The following PEAK1 variants were observed in gnomAD, a reference collection of about 807,000 sequenced individuals.
PEAK1 encodes inactive tyrosine-protein kinase PEAK1.
In PEAK1, 54 loss-of-function variants were observed where a neutral mutation model predicts 124.7. The ratio of observed to expected loss-of-function variants is 0.43; its 90% CI spans 0.35 to 0.54. The LOEUF is 0.54. Ranked by LOEUF, PEAK1 falls within the 20% of genes least tolerant of loss-of-function variation. The pLI is 0.01. For missense variants in PEAK1, 2,046 were observed against 2,134.5 expected (o/e 0.96, Z 0.82); for synonymous variants, 719 against 760.0 (o/e 0.95, Z 0.89).
intron 2 of PEAK1, among the ~76,000 whole-genome samples, chr15:77,286,919 A>G (rs138957787): frequency 1.3e-4 from 20 of 152,312 alleles, no homozygotes; most frequent in Middle Eastern, 6.8e-3. Context: ...TGAGTTATAT[A>G]AAACTTTGAT....
chr15:77,389,483 G>A (rs544184551), intron 1 of PEAK1, among the ~76,000 whole-genome samples: 37 of 152,222 alleles, frequency 2.4e-4, no homozygotes, highest in Non-Finnish European at 5.0e-4. Flanking sequence ...GGGATGTTTT[G>A]CAAGTCAAAG....
At chr15:77,286,342 G>T in intron 3 of PEAK1, 81 bp downstream of exon 3, 1 of 735,050 alleles carries the variant, frequency 1.4e-6, no homozygotes, top group Non-Finnish European at 1.9e-6. Flanking sequence ...TTAGATTTTT[G>T]CTGAAATAAG....
At chr15:77,250,614 T>C (rs1380897010) in intron 6 of PEAK1, among the ~76,000 whole-genome samples, 1 of 151,938 alleles carries the variant, frequency 6.6e-6, no homozygotes, top group African/African-American at 2.4e-5. Context: ...TTTTTATTTT[T>C]AGCAGAGATA....
intron 2 of PEAK1, among the ~76,000 whole-genome samples, chr15:77,312,534 TAAC>T (rs1298272893): frequency 6.6e-6 from 1 of 152,214 alleles, no homozygotes; most frequent in East Asian, 1.9e-4. Context: ...AAAAACCAGG[TAAC>T]AACAATTTAA....
At chr15:77,354,018 T>C (rs1179728736) in intron 2 of PEAK1, among the ~76,000 whole-genome samples, 1 of 152,194 alleles carries the variant, frequency 6.6e-6, no homozygotes, top group African/African-American at 2.4e-5. Flanking sequence ...CCTGAGGATT[T>C]TGTCCTCAAT....
chr15:77,142,375 T>C (rs1388848740), intron 8 of PEAK1, among the ~76,000 whole-genome samples: 1 of 152,216 alleles, frequency 6.6e-6, no homozygotes, highest in African/African-American at 2.4e-5. Context: ...TCTAAAATGG[T>C]GCCACCATCT....
At chr15:77,142,381 C>A (rs934688463) in intron 8 of PEAK1, among the ~76,000 whole-genome samples, 1 of 152,168 alleles carries the variant, frequency 6.6e-6, no homozygotes, top group Admixed American at 6.6e-5. Context: ...ATGGTGCCAC[C>A]ATCTTGGAAA....
At chr15:77,253,253 G>GGC (rs987325886) in intron 5 of PEAK1, among the ~76,000 whole-genome samples, 1 of 149,190 alleles carries the variant, frequency 6.7e-6, no homozygotes, top group Non-Finnish European at 1.5e-5. Context: ...GTTGGGGGGG[G>GGC]GGTGGTCCTG....
At chr15:77,123,079 C>T (rs1007747504) in intron 9 of PEAK1, among the ~76,000 whole-genome samples, 2 of 152,154 alleles carry the variant, frequency 1.3e-5, no homozygotes, top group Non-Finnish European at 1.5e-5. Context: ...AAGGAAGCAG[C>T]CCCGCTTTTG....
intron 8 of PEAK1, among the ~76,000 whole-genome samples, chr15:77,146,759 T>C (rs1366541028): frequency 6.6e-6 from 1 of 152,220 alleles, no homozygotes; most frequent in Non-Finnish European, 1.5e-5. Flanking sequence ...TCATTAGCTA[T>C]GCAGTGTGTG....
rs974912676 is a variant in PEAK1, at chr15:77,144,494, C to T, written c.3332-10744G>A. ...GTGTGTTTTTACATCCCCTCAGAAC[C>T]TGATGTGATGTAAGGCGCACAGCAG... is the stretch of plus-strand genomic sequence containing the variant. On this transcript the variant is annotated intron_variant, in intron 8 of 9. Transcript: ENST00000682557. Among the ~76,000 whole-genome samples the T allele has an allele frequency of 2.0e-5, 3 of 152,134 alleles. No individual in the cohort carries two copies. The South Asian group carries it at 6.2e-4, about 32-fold the overall frequency.
At chr15:77,265,430 C>T (rs935760493) in intron 5 of PEAK1, among the ~76,000 whole-genome samples, 32 of 152,140 alleles carry the variant, frequency 2.1e-4, no homozygotes, top group Non-Finnish European at 3.7e-4. Flanking sequence ...ACAACCCCAT[C>T]AAAAAGTGGG....
At chr15:77,211,436 T>C (rs2058899248) in intron 6 of PEAK1, among the ~76,000 whole-genome samples, 6 of 152,046 alleles carry the variant, frequency 3.9e-5, no homozygotes, top group Admixed American at 3.9e-4. Flanking sequence ...TAAGATACCA[T>C]GGAGGTGAGT....
chr15:77,181,312 C>G lies in PEAK1; in HGVS notation c.615G>C (p.Gln205His). ...SCMIGGIKET[Q>H]GKHVILSGST... ...TCCCACTCAGAATAACATGCTTGCC[C>G]TGAGTTTCCTTTATCCCACCTATCA... Residue 205 changes from glutamine to histidine, a missense_variant, in exon 7 of 10, where the codon CAG becomes CAC. By Grantham distance (24) the Gln-to-His change is conservative. Coordinates refer to ENST00000682557, the MANE Select transcript of PEAK1 (RefSeq NM_001385026.1). 1.2e-6 allele frequency: 2 copies of G among 1,614,156 alleles called. No individual in the cohort carries two copies. The highest frequency in any genetic ancestry group is 1.7e-6 in the Non-Finnish European group (2 of 1,180,024).
chr15:77,270,193 G>C (rs1057181875), intron 5 of PEAK1, among the ~76,000 whole-genome samples: 30 of 152,120 alleles, frequency 2.0e-4, no homozygotes, highest in African/African-American at 6.8e-4. Context: ...GCACAAACTG[G>C]AAGCATTCCC....
Position 77,117,108 on chromosome 15 carries a change from A to G in PEAK1, c.4078-1789T>C, listed in dbSNP as rs1378672462. Among the ~76,000 whole-genome samples, 3 of 152,168 alleles carry G rather than the reference A, an allele frequency of 2.0e-5. No homozygotes were observed. The East Asian group carries it at 5.8e-4, about 29-fold the overall frequency. ...TCCAGCACATGGCACCATTATCCCC[A>G]TTGCCAGTTAAATTTGCTCAATATT... On this transcript the variant is annotated intron_variant, in intron 9 of 9. Coordinates refer to ENST00000682557, the MANE Select transcript of PEAK1 (RefSeq NM_001385026.1).
chr15:77,189,899 A>G (rs975803627), intron 6 of PEAK1, among the ~76,000 whole-genome samples: 3 of 152,230 alleles, frequency 2.0e-5, no homozygotes, highest in African/African-American at 7.2e-5. Context: ...GTGAGAAGAC[A>G]GGGAATAAGA....
rs1047414255 is a variant in PEAK1 at position 77,252,493 on chromosome 15, C to G, written c.-241G>C. ...GATGAATGTCCTTTCTTCCTTGCCTCTCATTCCTTAATTTCTGAAGATAGC... is the reference window on the plus strand; with the variant it reads ...GATGAATGTCCTTTCTTCCTTGCCTGTCATTCCTTAATTTCTGAAGATAGC... On this transcript the variant is annotated 5_prime_UTR_variant, in exon 6 of 10. Coordinates refer to ENST00000682557, the MANE Select transcript of PEAK1 (RefSeq NM_001385026.1). The G allele has an allele frequency of 2.9e-5, 29 of 984,790 alleles. No individual in the cohort carries two copies. Among genetic ancestry groups the G allele is most frequent in the African/African-American group, 3.5e-5 (2 of 57,156 alleles). The allele number at this position is 984,790 out of a possible 1,614,324, so 61.0% of individuals were successfully genotyped here.
rs555855541 is a variant in PEAK1 at position 77,296,393 on chromosome 15, CT to C, written c.-602-9890del. 4.4e-3 allele frequency among the ~76,000 whole-genome samples: 667 copies of C among 151,616 alleles called. 17 individuals carry two copies. The highest frequency in any genetic ancestry group is 0.014 in the African/African-American group (572 of 40,948). On this transcript the variant is annotated intron_variant, in intron 2 of 9. Coordinates refer to ENST00000682557, the MANE Select transcript of PEAK1 (RefSeq NM_001385026.1). ...TTGGGAGGCCAAGGCAGGCAGATCA[CT>C]TGAGGTGAGGAGTTCGAGAGCAGCC...
Sources: gnomAD v4.1 joint callset for allele counts (sites outside exome capture counted in the v4.1 genomes callset) on GRCh38, gnomAD v4.1.1 for gene constraint, MANE v1.5 for transcripts, NCBI Gene and HGNC (gene_info 2026-07-23, HGNC 2026-07-21) for gene names.